The following NRXN1 variants were observed in gnomAD, a reference collection of about 807,000 sequenced individuals.
NRXN1 encodes neurexin 1.
NRXN1 carries 39 observed loss-of-function variants against 150.9 expected under a neutral mutation model. The observed-to-expected ratio is 0.26, with a 90% confidence interval of 0.20 to 0.34. The LOEUF (loss-of-function observed/expected upper bound fraction) is 0.34. Among genes scored for constraint, NRXN1 ranks in the 10% least tolerant of loss-of-function variants. NRXN1 has a pLI of 1.00. For synonymous variants in NRXN1, 924 were observed against 757.0 expected, an observed-to-expected ratio of 1.22 and a Z score of -3.62; for missense variants, 1,815 against 1,949.9, an observed-to-expected ratio of 0.93 and a Z score of 1.30.
At chr2:50,708,885 T>C (rs1694781005) in intron 5 of NRXN1, among the ~76,000 whole-genome samples, 1 of 152,176 alleles carries the variant, frequency 6.6e-6, no homozygotes, top group Admixed American at 6.6e-5. Context: ...GACCACTGTG[T>C]GAGCTTCCAG....
intron 5 of NRXN1, among the ~76,000 whole-genome samples, chr2:50,746,729 C>T (rs1276659938): frequency 6.6e-6 from 1 of 152,078 alleles, no homozygotes; most frequent in Non-Finnish European, 1.5e-5. Context: ...GAGTCATCCC[C>T]CTTGTCAGAG....
Position 50,693,074 on chromosome 2 carries a change from C to T in NRXN1, c.833-69459G>A, listed in dbSNP as rs565923623. Among the ~76,000 whole-genome samples, 21 of 152,198 alleles carry T rather than the reference C, an allele frequency of 1.4e-4. 1 individual carries two copies. In the South Asian group the frequency reaches 4.1e-3, roughly 30 times the overall value. ...GTCGAGAAACTTACTGTAAGCCCTACCCCAGTCCCCTAAACCCATTTTGCT... is the reference window on the plus strand; with the variant it reads ...GTCGAGAAACTTACTGTAAGCCCTATCCCAGTCCCCTAAACCCATTTTGCT... On this transcript the variant is annotated intron_variant, in intron 5 of 22. Coordinates refer to ENST00000401669, the MANE Select transcript of NRXN1 (RefSeq NM_001330078.2).
chr2:49,920,524 T>G lies in NRXN1; in HGVS notation c.*1420A>C, dbSNP rs1668008181. Reference sequence around the variant, plus strand: ...AGGAAAGGTTCATTTCTTTAGGGACTAAAATCTTCTTAAGGTTACCTGGGA... The same window carrying G: ...AGGAAAGGTTCATTTCTTTAGGGACGAAAATCTTCTTAAGGTTACCTGGGA... On this transcript the variant is annotated 3_prime_UTR_variant, in exon 23 of 23. Coordinates refer to ENST00000401669, the MANE Select transcript of NRXN1 (RefSeq NM_001330078.2). 1 of 152,628 alleles carries G rather than the reference T, an allele frequency of 6.6e-6. No homozygotes were observed. The highest frequency in any genetic ancestry group is 2.4e-5 in the African/African-American group (1 of 41,450). 9.5% of individuals were successfully genotyped at this position (152,628 alleles called of 1,614,324 possible).
intron 21 of NRXN1, among the ~76,000 whole-genome samples, chr2:49,992,616 T>C (rs1217902105): frequency 2.0e-5 from 3 of 151,886 alleles, no homozygotes; most frequent in African/African-American, 7.3e-5. Context: ...TGAAAAACTC[T>C]GTTAAGAAAA....
intron 1 of NRXN1, among the ~76,000 whole-genome samples, chr2:51,029,686 TTTC>T (rs1285449273): frequency 2.0e-5 from 3 of 152,240 alleles, no homozygotes; most frequent in African/African-American, 7.2e-5. Context: ...CCATTTTATT[TTTC>T]TTAGAAGGAA....
At chr2:50,181,694 CT>C (rs992506905) in intron 18 of NRXN1, among the ~76,000 whole-genome samples, 44 of 152,076 alleles carry the variant, frequency 2.9e-4, no homozygotes, top group African/African-American at 9.2e-4. Context: ...ATGAGTTTTA[CT>C]TTTTTTGTTT....
intron 17 of NRXN1, among the ~76,000 whole-genome samples, chr2:50,446,306 A>G (rs776850204): frequency 6.6e-6 from 1 of 152,134 alleles, no homozygotes; most frequent in Non-Finnish European, 1.5e-5. Context: ...TTATATCTAC[A>G]TAGTAAAGTT....
intron 5 of NRXN1, among the ~76,000 whole-genome samples, chr2:50,884,923 G>A (rs1679999975): frequency 6.6e-6 from 1 of 151,520 alleles, no homozygotes. Context: ...GTGTCTGGAA[G>A]CAAAACATAT....
At chr2:50,813,451 TTATG>T (rs1262970441) in intron 5 of NRXN1, among the ~76,000 whole-genome samples, 2 of 152,136 alleles carry the variant, frequency 1.3e-5, no homozygotes, top group African/African-American at 4.8e-5. Context: ...TTGCATAGCA[TTATG>T]TATTATATTG....
chr2:50,689,089 G>C (rs970881177), intron 5 of NRXN1, among the ~76,000 whole-genome samples: 2 of 151,988 alleles, frequency 1.3e-5, no homozygotes, highest in East Asian at 3.9e-4. Context: ...TTCTATTTTA[G>C]GATATGCATT....
At chr2:50,920,883 C>A (rs1685931463) in intron 5 of NRXN1, among the ~76,000 whole-genome samples, 1 of 151,584 alleles carries the variant, frequency 6.6e-6, no homozygotes, top group Non-Finnish European at 1.5e-5. Context: ...AAATTGATAT[C>A]ATTTCTTACA....
intron 17 of NRXN1, among the ~76,000 whole-genome samples, chr2:50,278,529 C>A (rs953876739): frequency 1.4e-4 from 21 of 150,728 alleles, no homozygotes; most frequent in African/African-American, 3.9e-4. Context: ...TGAATTGGGT[C>A]CAAAGGTTAA....
chr2:50,771,968 G>C (rs923291768), intron 5 of NRXN1, among the ~76,000 whole-genome samples: 20 of 152,072 alleles, frequency 1.3e-4, no homozygotes, highest in Middle Eastern at 3.4e-3. Flanking sequence ...AGCAGGTAAG[G>C]GTCTAAAGAA....
intron 8 of NRXN1, among the ~76,000 whole-genome samples, chr2:50,567,575 T>C (rs562364544): frequency 2.0e-4 from 24 of 119,728 alleles, no homozygotes; most frequent in African/African-American, 8.9e-4. Flanking sequence ...AATAAAGATA[T>C]AGAATCTGAT....
At chr2:50,599,162 C>T (rs1401321114) in intron 8 of NRXN1, among the ~76,000 whole-genome samples, 1 of 152,118 alleles carries the variant, frequency 6.6e-6, no homozygotes, top group Non-Finnish European at 1.5e-5. Flanking sequence ...CTCCACCTTA[C>T]AGATGAGGAA....
At chr2:50,276,999 T>G (rs2070566948) in intron 17 of NRXN1, among the ~76,000 whole-genome samples, 2 of 152,282 alleles carry the variant, frequency 1.3e-5, no homozygotes, top group Non-Finnish European at 2.9e-5. Flanking sequence ...TATTTACCTG[T>G]ATGACAAACA....
At chr2:50,580,904 G>C (rs985213259) in intron 8 of NRXN1, among the ~76,000 whole-genome samples, 1 of 152,076 alleles carries the variant, frequency 6.6e-6, no homozygotes, top group African/African-American at 2.4e-5. Context: ...AGTTGCTATA[G>C]TCCCAAAAGA....
intron 5 of NRXN1, among the ~76,000 whole-genome samples, chr2:50,857,458 A>G (rs1675441606): frequency 6.6e-6 from 1 of 152,076 alleles, no homozygotes; most frequent in South Asian, 2.1e-4. Flanking sequence ...GAGGATGATC[A>G]CTGGTAAATT....
In NRXN1 at chr2:50,629,380, G is replaced by A. The variant is rs148277812; in HGVS notation, c.833-5765C>T. On this transcript the variant is annotated intron_variant, in intron 5 of 22. Coordinates refer to ENST00000401669, the MANE Select transcript of NRXN1 (RefSeq NM_001330078.2). Reference sequence around the variant, plus strand: ...AATGCCTGACACAAAAGAGAACATAGTTCTGATTCCATTTATATAAAAAAT... The same window carrying A: ...AATGCCTGACACAAAAGAGAACATAATTCTGATTCCATTTATATAAAAAAT... 2.3e-3 allele frequency among the ~76,000 whole-genome samples: 354 copies of A among 151,678 alleles called. 1 individual carries two copies. The highest frequency in any genetic ancestry group is 8.2e-3 in the African/African-American group (341 of 41,502).
Sources: allele counts gnomAD v4.1 joint callset (sites outside exome capture counted in the v4.1 genomes callset), GRCh38; gene constraint gnomAD v4.1.1; transcripts MANE v1.5; gene names NCBI Gene and HGNC (gene_info 2026-07-23, HGNC 2026-07-21).